TM4SF4: variants seen among roughly 807,000 people sequenced by gnomAD.
The protein encoded by TM4SF4 is transmembrane 4 L six family member 4.
TM4SF4 carries 24 observed loss-of-function variants against 24.1 expected under a neutral mutation model. The observed-to-expected ratio is 1.00, with a 90% CI of 0.72 to 1.40. TM4SF4 has a LOEUF of 1.40. Ranked by LOEUF, TM4SF4 falls within the 40% of genes most tolerant of loss-of-function variation. TM4SF4 has a pLI of 0.00. For synonymous variants in TM4SF4, 113 were observed against 97.0 expected (o/e 1.17, Z -0.97); for missense variants, 254 against 254.2 (o/e 1.00, Z 0.01).
At position 149,501,261 on chromosome 3, in the gene TM4SF4, G is replaced by C. The variant is rs77213739; in HGVS notation, c.592-1415G>C. Among the ~76,000 whole-genome samples, 1,461 of 152,266 alleles carry C rather than the reference G, an allele frequency of 9.6e-3. 21 individuals carry two copies. Among genetic ancestry groups the C allele is most frequent in the African/African-American group, 0.033 (1,383 of 41,550 alleles). ...CAGTAGATGGACTCCATGGTTATCAGTGCATGGGCACCAGAGACTCACAGA... is the reference window on the plus strand; with the variant it reads ...CAGTAGATGGACTCCATGGTTATCACTGCATGGGCACCAGAGACTCACAGA... On this transcript the variant is annotated intron_variant, in intron 4 of 4. Transcript: ENST00000305354.
intron 2 of TM4SF4, among the ~76,000 whole-genome samples, chr3:149,476,573 C>T (rs954890114): frequency 1.3e-5 from 2 of 152,206 alleles, no homozygotes; most frequent in African/African-American, 4.8e-5. Context: ...AGTCATTCTA[C>T]TGCTCTGCCT....
intron 2 of TM4SF4, among the ~76,000 whole-genome samples, chr3:149,483,967 G>T (rs1201636382): frequency 6.6e-6 from 1 of 152,098 alleles, no homozygotes; most frequent in Admixed American, 6.5e-5. Flanking sequence ...CTTTTGTAGA[G>T]ATGAGGTTTT....
intron 4 of TM4SF4, among the ~76,000 whole-genome samples, chr3:149,501,094 C>A (rs1001104291): frequency 6.6e-6 from 1 of 151,170 alleles, no homozygotes; most frequent in Non-Finnish European, 1.5e-5. Context: ...GTTGATAATA[C>A]TTTGCTAAAT....
intron 2 of TM4SF4, among the ~76,000 whole-genome samples, chr3:149,483,545 C>G (rs1277699767): frequency 1.3e-5 from 2 of 149,760 alleles, no homozygotes; most frequent in African/African-American, 4.9e-5. Flanking sequence ...AAACCAAAAA[C>G]TTATAGGATC....
chr3:149,481,152 G>A (rs925633394), intron 2 of TM4SF4, among the ~76,000 whole-genome samples: 2 of 152,128 alleles, frequency 1.3e-5, no homozygotes, highest in Admixed American at 6.6e-5. Flanking sequence ...GAGCCACCAC[G>A]CCGGCATCTT....
intron 3 of TM4SF4, among the ~76,000 whole-genome samples, chr3:149,491,592 T>C (rs934549171): frequency 6.6e-6 from 1 of 152,074 alleles, no homozygotes; most frequent in African/African-American, 2.4e-5. Flanking sequence ...CACACACATA[T>C]ATATATGTAG....
intron 2 of TM4SF4, among the ~76,000 whole-genome samples, chr3:149,484,237 C>A (rs1250697976): frequency 1.3e-5 from 2 of 152,298 alleles, no homozygotes; most frequent in South Asian, 4.1e-4. Context: ...ATGATGTTGT[C>A]AGGGAAAATT....
chr3:149,475,056 G>GT lies in TM4SF4; in HGVS notation c.174+6dup. The GT allele has an allele frequency of 1.3e-6, 2 of 1,542,156 alleles. No individual in the cohort carries two copies. The highest frequency in any genetic ancestry group is 1.8e-6 in the Non-Finnish European group (2 of 1,134,042). On this transcript the variant is annotated splice_donor_region_variant and intron_variant, in intron 1 of 4. Transcript: ENST00000305354. ...ATATTAGGAAGCGGTGTCTTGGTGA[G>GT]TAGGGAAGCTTAAAATCCCCCTAAG... is the stretch of plus-strand genomic sequence containing the variant.
chr3:149,487,174 G>T (rs1734131382), intron 2 of TM4SF4, among the ~76,000 whole-genome samples: 1 of 152,176 alleles, frequency 6.6e-6, no homozygotes, highest in Non-Finnish European at 1.5e-5. Flanking sequence ...AGAATCCCCT[G>T]AACCTGGGAA....
chr3:149,474,968 C>G lies in TM4SF4; in HGVS notation c.91C>G (p.Pro31Ala), dbSNP rs1481236650. 1 of 1,613,574 alleles carries G rather than the reference C, an allele frequency of 6.2e-7. No homozygotes were observed. The highest frequency in any genetic ancestry group is 1.7e-5 in the Admixed American group (1 of 59,940). The change falls in exon 1 of 5, where the codon CCT becomes GCT. Residue 31 changes from proline (P) to alanine (A), a missense_variant. Physicochemically the swap from Pro to Ala is conservative, Grantham distance 27 (BLOSUM62 -1). Coordinates refer to ENST00000305354, the MANE Select transcript of TM4SF4 (RefSeq NM_004617.4). ...CCTGGCTAACATCCTGTTATTTTTTCCTGGAGGAAAAGTGATAGATGACAA... is the reference window on the plus strand; with the variant it reads ...CCTGGCTAACATCCTGTTATTTTTTGCTGGAGGAAAAGTGATAGATGACAA... ...GFLANILLFFPGGKVIDDNDH... is the reference protein window; with the variant it reads ...GFLANILLFFAGGKVIDDNDH...
At chr3:149,500,162 T>G (rs1265860791) in intron 4 of TM4SF4, among the ~76,000 whole-genome samples, 1 of 152,050 alleles carries the variant, frequency 6.6e-6, no homozygotes, top group Non-Finnish European at 1.5e-5. Flanking sequence ...TGAAAATCCT[T>G]ATGAGATACT....
rs768497501 is a variant in TM4SF4, at chr3:149,475,870, C to G, written c.222C>G (p.Cys74Trp). ...TCTTGGGCCTGAAGAACAATGACTG[C>G]TGTGGGTGCTGCGGCAACGAGGGCT... The part of the protein sequence containing the change: ...LVFLGLKNND[C>W]CGCCGNEGCG... The change falls in exon 2 of 5, where the codon TGC becomes TGG. Residue 74 changes from cysteine (C) to tryptophan (W), a missense_variant. Transcript: ENST00000305354. 2 of 1,613,160 alleles carry G rather than the reference C, an allele frequency of 1.2e-6. No individual in the cohort carries two copies. Among genetic ancestry groups the G allele is most frequent in the Admixed American group, 3.3e-5 (2 of 59,920 alleles).
chr3:149,478,956 G>A (rs774436552), intron 2 of TM4SF4, among the ~76,000 whole-genome samples: 40 of 151,976 alleles, frequency 2.6e-4, no homozygotes, highest in Admixed American at 5.2e-4. Context: ...TGTTAGAGAC[G>A]GGGTTTCACC....
Position 149,502,808 on chromosome 3 carries a change from T to C in TM4SF4, c.*115T>C. 2 of 758,758 alleles carry C rather than the reference T, an allele frequency of 2.6e-6. No individual in the cohort carries two copies. Among genetic ancestry groups the C allele is most frequent in the Non-Finnish European group, 4.5e-6 (2 of 448,064 alleles). 47.0% of individuals were successfully genotyped at this position (758,758 alleles called of 1,614,324 possible). The stretch of plus-strand genomic sequence containing the variant: ...TATCTGCTTCCTAGCTGATAAAGCT[T>C]AGAAAAGGCAGTTATTCCTTCTTTC... On this transcript the variant is annotated 3_prime_UTR_variant, in exon 5 of 5. Coordinates refer to ENST00000305354, the MANE Select transcript of TM4SF4 (RefSeq NM_004617.4).
chr3:149,498,720 A>G lies in TM4SF4; in HGVS notation c.402-2A>G, dbSNP rs1189395649. 1.2e-6 allele frequency: 2 copies of G among 1,613,738 alleles called. No individual in the cohort carries two copies. The highest frequency in any genetic ancestry group is 1.7e-6 in the Non-Finnish European group (2 of 1,179,782). On this transcript the variant is annotated splice_acceptor_variant, in intron 3 of 4. Transcript: ENST00000305354. LOFTEE classifies it high-confidence loss of function. ...TTCCTTTGTCCCCTATATCACCAACAGGGATTATCTCAATGATGAGGCCTT... is the reference window on the plus strand; with the variant it reads ...TTCCTTTGTCCCCTATATCACCAACGGGGATTATCTCAATGATGAGGCCTT...
chr3:149,486,644 G>A (rs970985580), intron 2 of TM4SF4, among the ~76,000 whole-genome samples: 1 of 152,206 alleles, frequency 6.6e-6, no homozygotes, highest in African/African-American at 2.4e-5. Context: ...AAATATGGTA[G>A]TCTAATCTGT....
intron 3 of TM4SF4, among the ~76,000 whole-genome samples, chr3:149,493,951 G>C (rs962040019): frequency 1.3e-4 from 20 of 152,232 alleles, no homozygotes; most frequent in African/African-American, 4.3e-4. Flanking sequence ...GCTGAGAAGA[G>C]AGTTCTGTGA....
intron 2 of TM4SF4, among the ~76,000 whole-genome samples, chr3:149,484,826 A>G (rs1050053056): frequency 1.3e-5 from 2 of 152,192 alleles, no homozygotes; most frequent in African/African-American, 4.8e-5. Flanking sequence ...TGCTGGGATT[A>G]CAGTCGTGAG....
intron 4 of TM4SF4, among the ~76,000 whole-genome samples, chr3:149,501,447 T>A (rs1421029890): frequency 6.6e-6 from 1 of 152,246 alleles, no homozygotes; most frequent in African/African-American, 2.4e-5. Context: ...TGAACACCTG[T>A]ATACTTTCAC....
Sources: allele counts gnomAD v4.1 joint callset (sites outside exome capture counted in the v4.1 genomes callset), GRCh38; gene constraint gnomAD v4.1.1; transcripts MANE v1.5; gene names NCBI Gene and HGNC (gene_info 2026-07-23, HGNC 2026-07-21).